The following MAD1L1 variants were observed in gnomAD, a reference collection of about 807,000 sequenced individuals.
MAD1L1 encodes mitotic arrest deficient 1 like 1.
In MAD1L1, 95 loss-of-function variants were observed where a neutral mutation model predicts 96.9. The observed-to-expected ratio is 0.98, with a 90% CI of 0.83 to 1.16. MAD1L1 has a LOEUF of 1.16. Among genes scored for constraint, MAD1L1 ranks in the 50% most tolerant of loss-of-function variants. The pLI, the probability that MAD1L1 is intolerant of heterozygous loss-of-function variation, is 0.00. For missense variants in MAD1L1, 1,007 were observed against 954.4 expected, an observed-to-expected ratio of 1.06 and a Z score of -0.73; for synonymous variants, 473 against 396.6, an observed-to-expected ratio of 1.19 and a Z score of -2.29.
chr7:2,224,755 G>C (rs1793793480), intron 4 of MAD1L1, among the ~76,000 whole-genome samples: 1 of 152,188 alleles, frequency 6.6e-6, no homozygotes, highest in Non-Finnish European at 1.5e-5. Context: ...TCAGAGCAGA[G>C]GGGATCCGCG....
At chr7:2,209,379 C>T (rs935851385) in intron 10 of MAD1L1, among the ~76,000 whole-genome samples, 1 of 152,188 alleles carries the variant, frequency 6.6e-6, no homozygotes, top group East Asian at 1.9e-4. Flanking sequence ...GGGAAGGGCC[C>T]ACACAAAGGA....
intron 12 of MAD1L1, among the ~76,000 whole-genome samples, chr7:2,015,143 T>G (rs1782478611): frequency 6.6e-6 from 1 of 152,200 alleles, no homozygotes; most frequent in Admixed American, 6.5e-5. Flanking sequence ...TCCTGGGACC[T>G]CTGCCCGGAC....
intron 14 of MAD1L1, among the ~76,000 whole-genome samples, chr7:1,996,331 G>C (rs5022939): frequency 0.31 from 10,356 of 33,114 alleles, 1,657 homozygotes; most frequent in Middle Eastern, 0.48. Context: ...ACACACGGCT[G>C]CTGGGCGGGC....
At position 2,193,971 on chromosome 7, in the gene MAD1L1, T is replaced by G. The variant is rs531173098; in HGVS notation, c.986+19241A>C. Among the ~76,000 whole-genome samples the G allele has an allele frequency of 6.5e-4, 70 of 107,300 alleles. 1 individual carries two copies. Among genetic ancestry groups the G allele is most frequent in the African/African-American group, 2.0e-3 (67 of 32,790 alleles). 70.4% of individuals were successfully genotyped at this position (107,300 alleles called of 152,430 possible). On this transcript the variant is annotated intron_variant, in intron 10 of 18. Coordinates refer to ENST00000265854, the MANE Select transcript of MAD1L1 (RefSeq NM_001013836.2). ...TTTTTTTTTTTTTTTTGAGTCGGGT[T>G]CTTGCTCTATCACCTAGGCTGGAGT...
chr7:1,947,009 C>T (rs535931160), intron 16 of MAD1L1, among the ~76,000 whole-genome samples: 4 of 152,324 alleles, frequency 2.6e-5, no homozygotes, highest in East Asian at 1.9e-4. Flanking sequence ...GAGTTCCGCC[C>T]CTAACTCGCT....
At position 2,014,564 on chromosome 7, in the gene MAD1L1, G is replaced by T. The variant is rs779234549; in HGVS notation, c.1297C>A (p.Arg433=). The T allele has an allele frequency of 6.2e-7, 1 of 1,611,686 alleles. No homozygotes were observed. The highest frequency in any genetic ancestry group is 8.5e-7 in the Non-Finnish European group (1 of 1,179,732). Residue 433 remains arginine, a synonymous_variant, in exon 13 of 19, where the codon CGG becomes AGG. Coordinates refer to ENST00000265854, the MANE Select transcript of MAD1L1 (RefSeq NM_001013836.2). ...ATATCCTCAGCCTCCCGCATGCGCC[G>T]CGTCAGCTGGGGTGAGTACTCGGCC... ...TPAEYSPQLT[R]RMREAEDMVQ... is the part of the protein sequence containing the mutation.
chr7:1,857,606 C>T (rs568646641), intron 18 of MAD1L1, among the ~76,000 whole-genome samples: 20 of 152,310 alleles, frequency 1.3e-4, no homozygotes, highest in African/African-American at 4.8e-4. Flanking sequence ...CGAGGATGAG[C>T]CCCTGGACCA....
chr7:1,986,722 T>A (rs1781168764), intron 14 of MAD1L1, among the ~76,000 whole-genome samples: 1 of 152,160 alleles, frequency 6.6e-6, no homozygotes, highest in Admixed American at 6.5e-5. Flanking sequence ...TAAGTGCCAT[T>A]TTGGTTTTCA....
intron 10 of MAD1L1, among the ~76,000 whole-genome samples, chr7:2,212,664 T>C (rs1042586402): frequency 1.3e-5 from 2 of 152,216 alleles, no homozygotes; most frequent in Admixed American, 6.5e-5. Context: ...GAAAGCTCCC[T>C]GCGGCTTCAC....
chr7:2,148,680 C>A (rs574609571), intron 11 of MAD1L1: 1 of 159,530 alleles, frequency 6.3e-6, no homozygotes, highest in African/African-American at 2.4e-5. Flanking sequence ...TCCCAGGTTC[C>A]CTGAAGCCCT....
At chr7:1,990,098 G>A (rs1317800263) in intron 14 of MAD1L1, among the ~76,000 whole-genome samples, 2 of 152,220 alleles carry the variant, frequency 1.3e-5, no homozygotes, top group African/African-American at 4.8e-5. Context: ...GAGTGAGGGC[G>A]TCCACATGCG....
chr7:2,053,660 TG>T (rs1369468392), intron 12 of MAD1L1, among the ~76,000 whole-genome samples: 6 of 152,122 alleles, frequency 3.9e-5, no homozygotes, highest in African/African-American at 1.4e-4. Flanking sequence ...ACACGGGTTA[TG>T]GGGGTGCCCC....
At chr7:1,967,743 G>A (rs951613221) in intron 15 of MAD1L1, among the ~76,000 whole-genome samples, 3 of 152,240 alleles carry the variant, frequency 2.0e-5, no homozygotes, top group African/African-American at 7.2e-5. Context: ...CAATGACGGG[G>A]CACAGCAGGG....
At chr7:1,954,163 G>A (rs757486521) in intron 16 of MAD1L1, among the ~76,000 whole-genome samples, 1 of 152,170 alleles carries the variant, frequency 6.6e-6, no homozygotes, top group Non-Finnish European at 1.5e-5. Flanking sequence ...AGGTAAGGAC[G>A]ACGGTATTAT....
At chr7:1,926,180 T>C (rs552911287) in intron 17 of MAD1L1, among the ~76,000 whole-genome samples, 9 of 151,862 alleles carry the variant, frequency 5.9e-5, no homozygotes, top group African/African-American at 2.2e-4. Context: ...TTCCTCACAA[T>C]AAAAAAAACC....
intron 10 of MAD1L1, among the ~76,000 whole-genome samples, chr7:2,202,533 C>A (rs1026310022): frequency 2.0e-5 from 3 of 152,228 alleles, no homozygotes; most frequent in Non-Finnish European, 2.9e-5. Flanking sequence ...AAAGGGGAAA[C>A]GTGGCCCAGA....
chr7:2,061,757 C>T (rs568222595), intron 12 of MAD1L1, among the ~76,000 whole-genome samples: 17 of 152,366 alleles, frequency 1.1e-4, no homozygotes, highest in South Asian at 2.1e-4. Flanking sequence ...GGAAACCATC[C>T]GATGTCGGGT....
intron 15 of MAD1L1, among the ~76,000 whole-genome samples, chr7:1,973,630 G>T (rs1187663996): frequency 6.6e-6 from 1 of 152,170 alleles, no homozygotes; most frequent in Non-Finnish European, 1.5e-5. Flanking sequence ...CTGGGCCCCT[G>T]CCTGTCTCGC....
intron 18 of MAD1L1, among the ~76,000 whole-genome samples, chr7:1,842,241 G>A (rs748970901): frequency 3.9e-5 from 6 of 152,220 alleles, no homozygotes; most frequent in Non-Finnish European, 4.4e-5. Flanking sequence ...AATTAAGCCA[G>A]AGGAAGCGGC....
Sources: allele counts gnomAD v4.1 joint callset (sites outside exome capture counted in the v4.1 genomes callset), GRCh38; gene constraint gnomAD v4.1.1; transcripts MANE v1.5; gene names NCBI Gene and HGNC (gene_info 2026-07-23, HGNC 2026-07-21).